The following TENM2 variants were observed in gnomAD, a reference collection of about 807,000 sequenced individuals.
The protein encoded by TENM2 is teneurin transmembrane protein 2.
Under a neutral mutation model 245.2 loss-of-function variants are expected in TENM2, and 52 were observed. That is an observed-to-expected ratio of 0.21 (90% CI 0.17 to 0.27). The LOEUF (loss-of-function observed/expected upper bound fraction) is 0.27, where lower values mean the gene tolerates loss of function less well. Ranked by LOEUF, TENM2 falls within the 10% of genes least tolerant of loss-of-function variation. TENM2 has a pLI of 1.00. For synonymous variants in TENM2, 1,363 were observed against 1,438.9 expected (o/e 0.95, Z 1.19); for missense variants, 3,046 against 3,666.8 (o/e 0.83, Z 4.37).
chr5:167,877,173 A>G (rs900181271), intron 3 of TENM2, among the ~76,000 whole-genome samples: 58 of 152,180 alleles, frequency 3.8e-4, no homozygotes, highest in Admixed American at 3.3e-3. Context: ...AAAGCAATAC[A>G]GAGCTTTCCA....
intron 2 of TENM2, among the ~76,000 whole-genome samples, chr5:167,647,411 T>C (rs888017170): frequency 6.6e-6 from 1 of 151,760 alleles, no homozygotes; most frequent in Non-Finnish European, 1.5e-5. Flanking sequence ...TCACCTGAGG[T>C]CGGGAGTTCG....
intron 3 of TENM2, among the ~76,000 whole-genome samples, chr5:167,901,747 A>G (rs1282569231): frequency 1.3e-5 from 2 of 152,230 alleles, no homozygotes; most frequent in Non-Finnish European, 2.9e-5. Flanking sequence ...ATGCTGGCAC[A>G]TCGCAATTTT....
intron 3 of TENM2, among the ~76,000 whole-genome samples, chr5:167,899,858 T>C (rs1001705650): frequency 4.6e-5 from 7 of 152,116 alleles, no homozygotes; most frequent in Non-Finnish European, 1.0e-4. Flanking sequence ...CATCCGACTC[T>C]TACAAAAAGT....
chr5:167,172,006 A>C, the TENM2 span, among the ~76,000 whole-genome samples: 1 of 152,206 alleles, frequency 6.6e-6, no homozygotes, highest in Non-Finnish European at 1.5e-5. Context: ...CAAAATCAGC[A>C]TTAAATGTTC....
intron 2 of TENM2, among the ~76,000 whole-genome samples, chr5:167,850,670 T>A (rs1199998837): frequency 6.6e-6 from 1 of 152,174 alleles, no homozygotes; most frequent in Non-Finnish European, 1.5e-5. Flanking sequence ...GGTAAATAAC[T>A]TCCTGGGGAC....
the TENM2 span, among the ~76,000 whole-genome samples, chr5:167,123,217 T>C: frequency 6.6e-6 from 1 of 151,038 alleles, no homozygotes; most frequent in Non-Finnish European, 1.5e-5. Context: ...GGCTGAGGCA[T>C]GAGAAGCGCT....
chr5:167,873,917 T>C (rs1251051837), intron 2 of TENM2, among the ~76,000 whole-genome samples: 1 of 152,194 alleles, frequency 6.6e-6, no homozygotes, highest in Non-Finnish European at 1.5e-5. Context: ...TCTGTTACTG[T>C]ACAGGAGCCC....
intron 4 of TENM2, among the ~76,000 whole-genome samples, chr5:167,974,030 AGGAAGG>A (rs1562001041): frequency 3.0e-5 from 2 of 67,172 alleles, no homozygotes; most frequent in African/African-American, 2.1e-4. Context: ...GGAGGAAGGA[AGGAAGG>A]AGAAGGAAGG....
At chr5:167,559,751 G>A (rs1342840503) in intron 2 of TENM2, among the ~76,000 whole-genome samples, 1 of 152,174 alleles carries the variant, frequency 6.6e-6, no homozygotes, top group African/African-American at 2.4e-5. Flanking sequence ...AGAGAAAGAA[G>A]TCTTCTCTTC....
chr5:168,179,197 A>G (rs1003122438), intron 13 of TENM2, among the ~76,000 whole-genome samples: 10 of 151,052 alleles, frequency 6.6e-5, no homozygotes, highest in Admixed American at 6.6e-4. Flanking sequence ...ATCATGAATC[A>G]CTTCTCCATC....
the TENM2 span, among the ~76,000 whole-genome samples, chr5:167,052,930 T>G: frequency 6.6e-6 from 1 of 152,170 alleles, no homozygotes; most frequent in African/African-American, 2.4e-5. Flanking sequence ...TATTCAATGC[T>G]TTCTTCCCAG....
intron 25 of TENM2, among the ~76,000 whole-genome samples, chr5:168,233,110 G>A (rs1765087502): frequency 6.6e-6 from 1 of 152,098 alleles, no homozygotes; most frequent in African/African-American, 2.4e-5. Flanking sequence ...GGTGGATCAC[G>A]AGGTCAGGAG....
At chr5:168,153,074 T>G (rs1218338826) in intron 12 of TENM2, among the ~76,000 whole-genome samples, 1 of 152,158 alleles carries the variant, frequency 6.6e-6, no homozygotes, top group Non-Finnish European at 1.5e-5. Context: ...ATATCTTTAA[T>G]GCTCTAGGGT....
intron 2 of TENM2, among the ~76,000 whole-genome samples, chr5:167,823,170 T>C (rs571347326): frequency 1.3e-5 from 2 of 152,276 alleles, no homozygotes; most frequent in South Asian, 4.1e-4. Context: ...TTTCCCTTTT[T>C]TTTGTATTTC....
chr5:167,214,551 C>T, the TENM2 span, among the ~76,000 whole-genome samples: 1 of 152,114 alleles, frequency 6.6e-6, no homozygotes, highest in Non-Finnish European at 1.5e-5. Flanking sequence ...ATGTCGCTGT[C>T]ACAATATTTG....
chr5:167,312,054 G>A (rs1197979300), intron 1 of TENM2, among the ~76,000 whole-genome samples: 1 of 152,136 alleles, frequency 6.6e-6, no homozygotes, highest in African/African-American at 2.4e-5. Context: ...GAAATCTGGA[G>A]TTGTAAGCAT....
chr5:167,762,399 A>G lies in TENM2; in HGVS notation c.503-113587A>G, dbSNP rs13359618. ...GACTAAACTACATTAAGGATCAAAAAGAACACATAATATTTGTGATGGCCA... is the reference window on the plus strand; with the variant it reads ...GACTAAACTACATTAAGGATCAAAAGGAACACATAATATTTGTGATGGCCA... On this transcript the variant is annotated intron_variant, in intron 2 of 28. Coordinates refer to ENST00000518659, the Ensembl canonical transcript of TENM2. 7.1e-3 allele frequency among the ~76,000 whole-genome samples: 1,077 copies of G among 152,346 alleles called. 11 individuals carry two copies. The highest frequency in any genetic ancestry group is 0.025 in the African/African-American group (1,026 of 41,592).
intron 1 of TENM2, among the ~76,000 whole-genome samples, chr5:167,345,450 C>G (rs1004870600): frequency 6.6e-6 from 1 of 152,122 alleles, no homozygotes; most frequent in Non-Finnish European, 1.5e-5. Flanking sequence ...CATGAACAGA[C>G]AGAGATGACA....
chr5:167,749,946 G>A (rs776984862), intron 2 of TENM2, among the ~76,000 whole-genome samples: 7 of 152,114 alleles, frequency 4.6e-5, no homozygotes, highest in Admixed American at 6.6e-5. Flanking sequence ...TGGCTACATT[G>A]CCTATTCTGA....
Sources: allele counts gnomAD v4.1 joint callset (sites outside exome capture counted in the v4.1 genomes callset), GRCh38; gene constraint gnomAD v4.1.1; transcripts MANE v1.5; gene names NCBI Gene and HGNC (gene_info 2026-07-23, HGNC 2026-07-21).